Variants in MBNL1 observed in about 807,000 individuals in gnomAD.
The protein encoded by MBNL1 is muscleblind like splicing regulator 1, also known as muscleblind-like protein 1.
MBNL1 carries 8 observed loss-of-function variants against 42.2 expected under a neutral mutation model. The ratio of observed to expected loss-of-function variants is 0.19; its 90% confidence interval spans 0.11 to 0.34. MBNL1 has a LOEUF of 0.34. Ranked by LOEUF, MBNL1 falls within the 10% of genes least tolerant of loss-of-function variation. The probability of loss-of-function intolerance (pLI) is 1.00; values close to 1 mark genes in which losing one functional copy is unlikely to be tolerated. For synonymous variants in MBNL1, 169 were observed against 173.9 expected, an observed-to-expected ratio of 0.97 and a Z score of 0.22; for missense variants, 309 against 495.3, an observed-to-expected ratio of 0.62 and a Z score of 3.57.
intron 2 of MBNL1, among the ~76,000 whole-genome samples, chr3:152,248,144 A>T (rs945784972): frequency 3.9e-5 from 6 of 152,056 alleles, no homozygotes; most frequent in Admixed American, 6.6e-5. Context: ...ACCTTAATTC[A>T]ATCTATTTTC....
intron 7 of MBNL1, among the ~76,000 whole-genome samples, chr3:152,456,059 T>G (rs1408980022): frequency 6.6e-6 from 1 of 152,128 alleles, no homozygotes. Flanking sequence ...TCCCCCTTTT[T>G]TTTCTCTTTC....
At chr3:152,365,257 A>G (rs1309996616) in intron 2 of MBNL1, among the ~76,000 whole-genome samples, 1 of 149,818 alleles carries the variant, frequency 6.7e-6, no homozygotes, top group Non-Finnish European at 1.5e-5. Flanking sequence ...GGGCCTAAAC[A>G]ATTTTCTGAT....
At chr3:152,356,601 C>T (rs1337395017) in intron 2 of MBNL1, among the ~76,000 whole-genome samples, 1 of 152,174 alleles carries the variant, frequency 6.6e-6, no homozygotes, top group East Asian at 1.9e-4. Flanking sequence ...TCCCTAGTAG[C>T]TGGGATTACA....
intron 2 of MBNL1, among the ~76,000 whole-genome samples, chr3:152,362,441 C>T (rs140440840): frequency 3.2e-4 from 49 of 152,286 alleles, no homozygotes; most frequent in African/African-American, 1.1e-3. Context: ...TACACTCCTA[C>T]AGTCAGATAG....
At chr3:152,296,494 T>C (rs1366409267) in intron 1 of MBNL1, among the ~76,000 whole-genome samples, 1 of 152,166 alleles carries the variant, frequency 6.6e-6, no homozygotes, top group Non-Finnish European at 1.5e-5. Context: ...CTATGAAATA[T>C]TCGTGACGCA....
At chr3:152,358,935 A>G (rs1045199350) in intron 2 of MBNL1, among the ~76,000 whole-genome samples, 2 of 152,192 alleles carry the variant, frequency 1.3e-5, no homozygotes, top group African/African-American at 4.8e-5. Context: ...AGTAATAAAT[A>G]CACATGCTTT....
intron 2 of MBNL1, among the ~76,000 whole-genome samples, chr3:152,311,008 T>TTTTC (rs1171628388): frequency 7.2e-6 from 1 of 138,368 alleles, no homozygotes; most frequent in African/African-American, 2.7e-5. Flanking sequence ...AGACTTTTTT[T>TTTTC]TTTTTTTTTT....
intron 2 of MBNL1, among the ~76,000 whole-genome samples, chr3:152,396,786 A>G (rs2097966023): frequency 6.6e-6 from 1 of 152,158 alleles, no homozygotes; most frequent in Non-Finnish European, 1.5e-5. Context: ...AAGATTCTCA[A>G]AAAAGTTTGG....
intron 2 of MBNL1, among the ~76,000 whole-genome samples, chr3:152,411,203 A>G (rs1661567000): frequency 6.6e-6 from 1 of 152,220 alleles, no homozygotes; most frequent in African/African-American, 2.4e-5. Flanking sequence ...AGTTATCTCA[A>G]TAGTTGGAGC....
intron 2 of MBNL1, among the ~76,000 whole-genome samples, chr3:152,382,421 C>G (rs548921311): frequency 6.6e-6 from 1 of 151,946 alleles, no homozygotes; most frequent in East Asian, 1.9e-4. Flanking sequence ...AGAATTCATA[C>G]GTTGTGTTAG....
At chr3:152,414,283 G>A (rs1172835721) in intron 2 of MBNL1, among the ~76,000 whole-genome samples, 2 of 152,164 alleles carry the variant, frequency 1.3e-5, no homozygotes. Flanking sequence ...TTTGTAAAAT[G>A]GAGAAGACTA....
At chr3:152,391,067 G>A (rs1444509678) in intron 2 of MBNL1, among the ~76,000 whole-genome samples, 1 of 152,188 alleles carries the variant, frequency 6.6e-6, no homozygotes. Context: ...AACCTTATCA[G>A]GGAGATAGTA....
At position 152,464,026 on chromosome 3, in the gene MBNL1, C is replaced by A. The variant is rs572866690; in HGVS notation, c.*1660C>A. 6.6e-6 allele frequency: 1 copy of A among 152,516 alleles called. No individual in the cohort carries two copies. Among genetic ancestry groups the A allele is most frequent in the Non-Finnish European group, 1.5e-5 (1 of 67,986 alleles). The allele number at this position is 152,516 out of a possible 1,614,324, so 9.4% of individuals were successfully genotyped here. A position where few individuals can be genotyped will look rare whatever the true frequency, so the allele number is the denominator to read the frequency against. Reference sequence around the variant, plus strand: ...ATTACATTACGGGTTGGAACCCATACCAATGTAATTTCAATCGTGTTAAGA... The same window carrying A: ...ATTACATTACGGGTTGGAACCCATAACAATGTAATTTCAATCGTGTTAAGA... On this transcript the variant is annotated 3_prime_UTR_variant, in exon 10 of 10. Transcript: ENST00000324210.
chr3:152,379,144 A>T (rs1199893506), intron 2 of MBNL1, among the ~76,000 whole-genome samples: 1 of 152,236 alleles, frequency 6.6e-6, no homozygotes, highest in East Asian at 1.9e-4. Context: ...AATGGAAATT[A>T]ATTAAAAATT....
chr3:152,260,147 A>G (rs897295186), intron 2 of MBNL1, among the ~76,000 whole-genome samples: 9 of 152,226 alleles, frequency 5.9e-5, no homozygotes, highest in Non-Finnish European at 8.8e-5. Context: ...AAGGTTTAGA[A>G]TGAAAATGCA....
At chr3:152,462,110 A>G (rs1029078177) in intron 9 of MBNL1, among the ~76,000 whole-genome samples, 1 of 152,164 alleles carries the variant, frequency 6.6e-6, no homozygotes, top group Non-Finnish European at 1.5e-5. Flanking sequence ...AGGCCCCCTG[A>G]TTCTGCAAAT....
intron 2 of MBNL1, among the ~76,000 whole-genome samples, chr3:152,369,469 T>C (rs1257129543): frequency 2.6e-5 from 4 of 152,330 alleles, no homozygotes; most frequent in Non-Finnish European, 5.9e-5. Context: ...CCTGAAATTT[T>C]CTTTTTTTTG....
intron 2 of MBNL1, among the ~76,000 whole-genome samples, chr3:152,339,276 TAAA>T (rs112042730): frequency 1.0e-3 from 154 of 152,140 alleles, no homozygotes; most frequent in African/African-American, 3.6e-3. Context: ...AAAATTAAAA[TAAA>T]AAAACTTTTT....
chr3:152,386,899 G>C (rs2097454844), intron 2 of MBNL1, among the ~76,000 whole-genome samples: 1 of 152,148 alleles, frequency 6.6e-6, no homozygotes, highest in Non-Finnish European at 1.5e-5. Context: ...ATAGTTTGCA[G>C]CTTTCTTACT....
Sources: gnomAD v4.1 joint callset for allele counts (sites outside exome capture counted in the v4.1 genomes callset) on GRCh38, gnomAD v4.1.1 for gene constraint, MANE v1.5 for transcripts, NCBI Gene and HGNC (gene_info 2026-07-23, HGNC 2026-07-21) for gene names.